Variants in KIAA1217 observed in about 807,000 individuals in gnomAD.
KIAA1217 encodes the protein KIAA1217.
In KIAA1217, 88 loss-of-function variants were observed where a neutral mutation model predicts 163.9. The ratio of observed to expected loss-of-function variants is 0.54; its 90% confidence interval spans 0.45 to 0.64. KIAA1217 has a LOEUF of 0.64. Ranked by LOEUF, KIAA1217 falls within the 30% of genes least tolerant of loss-of-function variation. The probability of loss-of-function intolerance (pLI) is 0.00; values close to 1 mark genes in which losing one functional copy is unlikely to be tolerated. For synonymous variants in KIAA1217, 903 were observed against 923.1 expected, an observed-to-expected ratio of 0.98 and a Z score of 0.39; for missense variants, 2,372 against 2,475.0, an observed-to-expected ratio of 0.96 and a Z score of 0.88.
At chr10:24,054,243 A>G (rs1350972530) in intron 2 of KIAA1217, among the ~76,000 whole-genome samples, 1 of 152,254 alleles carries the variant, frequency 6.6e-6, no homozygotes, top group East Asian at 1.9e-4. Context: ...TGGCACAGCT[A>G]TAAGCATTCA....
At chr10:23,840,092 T>C (rs1838697984) in intron 1 of KIAA1217, among the ~76,000 whole-genome samples, 1 of 152,130 alleles carries the variant, frequency 6.6e-6, no homozygotes, top group Non-Finnish European at 1.5e-5. Context: ...TCTGTCCACA[T>C]TTGGTTGGTA....
intron 2 of KIAA1217, among the ~76,000 whole-genome samples, chr10:24,126,590 G>T (rs185981322): frequency 6.6e-6 from 1 of 152,220 alleles, no homozygotes; most frequent in African/African-American, 2.4e-5. Flanking sequence ...ATACAAATAT[G>T]TAGCCAGATT....
At chr10:23,775,574 G>A (rs1302487467) in intron 1 of KIAA1217, among the ~76,000 whole-genome samples, 1 of 152,148 alleles carries the variant, frequency 6.6e-6, no homozygotes, top group African/African-American at 2.4e-5. Context: ...CACGTCTGTT[G>A]TAGCATGTGA....
At chr10:24,011,094 G>T (rs558782364) in intron 2 of KIAA1217, among the ~76,000 whole-genome samples, 124 of 152,240 alleles carry the variant, frequency 8.1e-4, no homozygotes, top group South Asian at 3.5e-3. Flanking sequence ...TAGCTAGTGA[G>T]CCAGGTAGGG....
intron 1 of KIAA1217, among the ~76,000 whole-genome samples, chr10:24,210,234 G>A (rs901820491): frequency 2.0e-5 from 3 of 152,260 alleles, no homozygotes; most frequent in Admixed American, 6.5e-5. Context: ...ACTCATCCAC[G>A]CTGAAAATGC....
At chr10:24,526,182 A>C (rs1459760340) in intron 13 of KIAA1217, among the ~76,000 whole-genome samples, 2 of 152,050 alleles carry the variant, frequency 1.3e-5, no homozygotes, top group Admixed American at 1.3e-4. Flanking sequence ...GAAAGTCACC[A>C]GTGGAGAGGT....
At chr10:24,150,633 TTAGGG>T (rs985450558) in intron 2 of KIAA1217, among the ~76,000 whole-genome samples, 3 of 152,178 alleles carry the variant, frequency 2.0e-5, no homozygotes, top group Non-Finnish European at 4.4e-5. Flanking sequence ...ATAAATTGGC[TTAGGG>T]TAGGAGTTTA....
intron 2 of KIAA1217, among the ~76,000 whole-genome samples, chr10:24,308,663 C>T (rs2042276118): frequency 6.6e-6 from 1 of 152,220 alleles, no homozygotes; most frequent in Non-Finnish European, 1.5e-5. Context: ...CATCCACAAA[C>T]TCTTCTTTAA....
intron 6 of KIAA1217, among the ~76,000 whole-genome samples, chr10:24,489,780 C>T (rs2065875253): frequency 7.3e-6 from 1 of 137,644 alleles, no homozygotes; most frequent in African/African-American, 2.7e-5. Flanking sequence ...GAAAGGATCT[C>T]TTGAGCTCGG....
intron 2 of KIAA1217, chr10:24,238,991 A>C (rs2072677529): frequency 5.2e-6 from 1 of 191,152 alleles, no homozygotes; most frequent in Non-Finnish European, 9.6e-6. Context: ...ATTAATGAAC[A>C]ATTTCAGACG....
At chr10:24,209,007 C>T (rs894705335), upstream of KIAA1217, 85 of 586,010 alleles carry the variant, frequency 1.5e-4, no homozygotes, top group South Asian at 7.8e-4. Context: ...CAAGAGGCCC[C>T]GCGCTGGAAT....
chr10:23,726,513 A>C (rs1838144311), intron 1 of KIAA1217, among the ~76,000 whole-genome samples: 1 of 152,160 alleles, frequency 6.6e-6, no homozygotes, highest in African/African-American at 2.4e-5. Flanking sequence ...CAAGTCTAAA[A>C]CACCAAACAC....
rs148213112 is a variant in KIAA1217, at chr10:23,902,856, A to T, written c.-320-104369A>T. Among the ~76,000 whole-genome samples the T allele has an allele frequency of 3.9e-4, 59 of 152,128 alleles. No homozygotes were observed. The East Asian group carries it at 0.011, about 28-fold the overall frequency. On this transcript the variant is annotated intron_variant, in intron 1 of 18. Transcript: ENST00000376462. Reference sequence around the variant, plus strand: ...ATCTTAAGGTCCACGTGGCCCATACATGGGAGGTTATTGGAAGGTGAATGT... The same window carrying T: ...ATCTTAAGGTCCACGTGGCCCATACTTGGGAGGTTATTGGAAGGTGAATGT...
intron 1 of KIAA1217, among the ~76,000 whole-genome samples, chr10:23,774,008 T>C (rs941483159): frequency 6.6e-6 from 1 of 151,860 alleles, no homozygotes; most frequent in African/African-American, 2.4e-5. Flanking sequence ...TGAATAGGAG[T>C]GGTGAGGGAG....
chr10:24,234,470 C>A (rs1237358502), intron 2 of KIAA1217, among the ~76,000 whole-genome samples: 1 of 151,864 alleles, frequency 6.6e-6, no homozygotes, highest in Non-Finnish European at 1.5e-5. Context: ...TCGAGACCAG[C>A]CTGGCCAATA....
chr10:23,757,538 G>A (rs977829715), intron 1 of KIAA1217, among the ~76,000 whole-genome samples: 4 of 151,854 alleles, frequency 2.6e-5, no homozygotes, highest in African/African-American at 7.3e-5. Flanking sequence ...ATTTTTTTGA[G>A]ATGGAGTCTC....
At chr10:24,290,706 G>A (rs1023021535) in intron 2 of KIAA1217, among the ~76,000 whole-genome samples, 2 of 151,228 alleles carry the variant, frequency 1.3e-5, no homozygotes, top group African/African-American at 2.4e-5. Context: ...AGATTCAAGC[G>A]ATTCTCCTGC....
intron 2 of KIAA1217, among the ~76,000 whole-genome samples, chr10:24,056,504 A>G (rs1448906242): frequency 3.3e-5 from 5 of 152,132 alleles, no homozygotes; most frequent in Admixed American, 6.5e-5. Flanking sequence ...GTCTAAAGTT[A>G]TATTATCATA....
At chr10:24,457,118 C>A (rs1267140856) in intron 5 of KIAA1217, among the ~76,000 whole-genome samples, 1 of 152,108 alleles carries the variant, frequency 6.6e-6, no homozygotes, top group Non-Finnish European at 1.5e-5. Flanking sequence ...TTTAAGAAAT[C>A]CCCTTTATTT....
Sources: gnomAD v4.1 joint callset for allele counts (sites outside exome capture counted in the v4.1 genomes callset) on GRCh38, gnomAD v4.1.1 for gene constraint, MANE v1.5 for transcripts, NCBI Gene and HGNC (gene_info 2026-07-23, HGNC 2026-07-21) for gene names.